SHLD1: variants seen among roughly 807,000 people sequenced by gnomAD.
SHLD1 encodes the protein shieldin complex subunit 1.
In SHLD1, 3 loss-of-function variants were observed where a neutral mutation model predicts 5.5. The observed-to-expected ratio is 0.54, with a 90% CI of 0.25 to 1.40. The LOEUF (loss-of-function observed/expected upper bound fraction) is 1.40, where lower values mean the gene tolerates loss of function less well. Among genes scored for constraint, SHLD1 ranks in the 40% most tolerant of loss-of-function variants. The pLI, the probability that SHLD1 is intolerant of heterozygous loss-of-function variation, is 0.15. For missense variants in SHLD1, 210 were observed against 244.4 expected, an observed-to-expected ratio of 0.86 and a Z score of 0.94; for synonymous variants, 92 against 94.3, an observed-to-expected ratio of 0.98 and a Z score of 0.14.
At chr20:5,826,997 T>C (rs1269193412) in intron 2 of SHLD1, among the ~76,000 whole-genome samples, 1 of 151,814 alleles carries the variant, frequency 6.6e-6, no homozygotes, top group African/African-American at 2.4e-5. Context: ...ATGCCGTCAG[T>C]AGCCCCCACT....
intron 2 of SHLD1, among the ~76,000 whole-genome samples, chr20:5,790,671 C>G (rs929665496): frequency 1.1e-4 from 17 of 152,038 alleles, no homozygotes; most frequent in Admixed American, 9.8e-4. Flanking sequence ...CCAGGCTGGT[C>G]TTGAACTCCT....
intron 2 of SHLD1, among the ~76,000 whole-genome samples, chr20:5,783,527 T>G (rs2122280334): frequency 6.6e-6 from 1 of 152,244 alleles, no homozygotes; most frequent in Admixed American, 6.5e-5. Context: ...CCCAGCCTCC[T>G]AGATTGAGTT....
intron 2 of SHLD1, among the ~76,000 whole-genome samples, chr20:5,803,411 C>G (rs571402149): frequency 1.3e-5 from 2 of 152,224 alleles, no homozygotes; most frequent in African/African-American, 4.8e-5. Context: ...TCAAGTGATC[C>G]TTCCGTCTCA....
intron 2 of SHLD1, among the ~76,000 whole-genome samples, chr20:5,830,203 C>T (rs371492591): frequency 4.5e-4 from 68 of 152,248 alleles, no homozygotes; most frequent in African/African-American, 1.6e-3. Flanking sequence ...TCATAACGGC[C>T]CTAACTAGAA....
intron 2 of SHLD1, among the ~76,000 whole-genome samples, chr20:5,826,573 G>C (rs1233818933): frequency 6.6e-6 from 1 of 152,106 alleles, no homozygotes; most frequent in East Asian, 1.9e-4. Flanking sequence ...TGCCATCACA[G>C]TCCCTTGCCT....
chr20:5,776,172 C>A (rs188464138), intron 2 of SHLD1, among the ~76,000 whole-genome samples: 1 of 152,132 alleles, frequency 6.6e-6, no homozygotes, highest in African/African-American at 2.4e-5. Flanking sequence ...AGTGATCCAC[C>A]CGCTGTGGTC....
At chr20:5,753,640 C>G (rs1189631689) in intron 1 of SHLD1, among the ~76,000 whole-genome samples, 1 of 152,196 alleles carries the variant, frequency 6.6e-6, no homozygotes, top group Admixed American at 6.5e-5. Flanking sequence ...TAGAGGTTTC[C>G]TCTTCCCTTT....
At chr20:5,787,098 A>C (rs953033075) in intron 2 of SHLD1, among the ~76,000 whole-genome samples, 4 of 152,216 alleles carry the variant, frequency 2.6e-5, no homozygotes, top group Non-Finnish European at 5.9e-5. Flanking sequence ...ACATTAAATA[A>C]ATTTGTATGC....
intron 2 of SHLD1, among the ~76,000 whole-genome samples, chr20:5,778,616 A>T (rs1600112502): frequency 6.6e-6 from 1 of 151,816 alleles, no homozygotes; most frequent in Admixed American, 6.6e-5. Context: ...AAAAAAAAAA[A>T]AAAAATAAGG....
chr20:5,797,105 T>C (rs2087224755), intron 2 of SHLD1, among the ~76,000 whole-genome samples: 1 of 152,130 alleles, frequency 6.6e-6, no homozygotes, highest in Admixed American at 6.5e-5. Context: ...GCTTTATTCA[T>C]CTAACAATGG....
At chr20:5,799,230 C>G (rs1161257791) in intron 2 of SHLD1, among the ~76,000 whole-genome samples, 1 of 151,572 alleles carries the variant, frequency 6.6e-6, no homozygotes, top group South Asian at 2.1e-4. Context: ...AAAGGCTAGC[C>G]TCACTTCTGT....
chr20:5,846,415 G>A (rs6053740), intron 2 of SHLD1, among the ~76,000 whole-genome samples: 60,899 of 152,092 alleles, frequency 0.4, 14,371 homozygotes, highest in African/African-American at 0.66. Context: ...CATTTAATGT[G>A]ACTTGGCCGC....
At chr20:5,822,633 A>T (rs2087618567) in intron 2 of SHLD1, among the ~76,000 whole-genome samples, 1 of 151,780 alleles carries the variant, frequency 6.6e-6, no homozygotes, top group African/African-American at 2.4e-5. Context: ...CACCAAGAAG[A>T]CTGTTACAGT....
chr20:5,778,234 A>G (rs1227614434), intron 2 of SHLD1, among the ~76,000 whole-genome samples: 1 of 145,704 alleles, frequency 6.9e-6, no homozygotes, highest in African/African-American at 2.5e-5. Context: ...CTCCTGCGTC[A>G]GCCTCCCAAG....
At chr20:5,767,559 G>A (rs532058506) in intron 1 of SHLD1, among the ~76,000 whole-genome samples, 7 of 152,170 alleles carry the variant, frequency 4.6e-5, no homozygotes, top group Middle Eastern at 3.4e-3. Flanking sequence ...TTTCCCACCC[G>A]GACCACTGCA....
Position 5,765,769 on chromosome 20 carries a change from CTTTTTTTTT to C in SHLD1, c.-4-7074_-4-7066del, listed in dbSNP as rs756234026. On this transcript the variant is annotated intron_variant, in intron 1 of 2. Transcript: ENST00000303142. ...ATAATGTATTTTATACGCACAAATC[CTTTTTTTTT>C]TTTTTTTTTTTTTTTTTTAAGTAGA... Among the ~76,000 whole-genome samples the C allele has an allele frequency of 2.7e-4, 17 of 62,092 alleles. No individual in the cohort carries two copies. In the South Asian group the frequency reaches 0.011, roughly 42 times the overall value. The allele number at this position is 62,092 out of a possible 152,430, so 40.7% of individuals were successfully genotyped here.
intron 2 of SHLD1, among the ~76,000 whole-genome samples, chr20:5,849,492 C>T (rs910657462): frequency 1.3e-5 from 2 of 152,184 alleles, no homozygotes; most frequent in Non-Finnish European, 2.9e-5. Flanking sequence ...TTTCCAGCAT[C>T]AAATCTCAGC....
rs142495934 is a variant in SHLD1 at position 5,842,762 on chromosome 20, C to G, written c.179-20262C>G. 1.3e-3 allele frequency among the ~76,000 whole-genome samples: 204 copies of G among 152,282 alleles called. 1 individual carries two copies. Among genetic ancestry groups the G allele is most frequent in the African/African-American group, 4.8e-3 (200 of 41,550 alleles). On this transcript the variant is annotated intron_variant, in intron 2 of 2. Coordinates refer to ENST00000303142, the MANE Select transcript of SHLD1 (RefSeq NM_152504.4). Reference sequence around the variant, plus strand: ...TTTCTAATTATCTTTCCACTGGACTCTAGTCTTGTTTTACCTATTTGCTGA... The same window carrying G: ...TTTCTAATTATCTTTCCACTGGACTGTAGTCTTGTTTTACCTATTTGCTGA...
chr20:5,764,175 T>TAA (rs1491357373), intron 1 of SHLD1, among the ~76,000 whole-genome samples: 1 of 76,932 alleles, frequency 1.3e-5, no homozygotes, highest in Non-Finnish European at 2.5e-5. Flanking sequence ...TATATATATA[T>TAA]TTTTATATAT....
Sources: gnomAD v4.1 joint callset for allele counts (sites outside exome capture counted in the v4.1 genomes callset) on GRCh38, gnomAD v4.1.1 for gene constraint, MANE v1.5 for transcripts, NCBI Gene and HGNC (gene_info 2026-07-23, HGNC 2026-07-21) for gene names.